KDM4C: variants seen among roughly 807,000 people sequenced by gnomAD.
KDM4C encodes the protein lysine demethylase 4C, also known as lysine-specific demethylase 4C.
In KDM4C, 81 loss-of-function variants were observed where a neutral mutation model predicts 129.3. The ratio of observed to expected loss-of-function variants is 0.63; its 90% CI spans 0.52 to 0.75. The LOEUF (loss-of-function observed/expected upper bound fraction) is 0.75. Ranked by LOEUF, KDM4C falls within the 30% of genes least tolerant of loss-of-function variation. KDM4C has a pLI of 0.00. For missense variants in KDM4C, 1,457 were observed against 1,304.0 expected (o/e 1.12, Z -1.81); for synonymous variants, 573 against 456.1 (o/e 1.26, Z -3.26).
At chr9:6,925,408 C>G in intron 8 of KDM4C, 1 of 977,912 alleles carries the variant, frequency 1.0e-6, no homozygotes, top group Non-Finnish European at 1.2e-6. Flanking sequence ...CTTTCCTTCC[C>G]TTTCCCTTTC....
At chr9:6,768,993 G>A (rs553232622) in intron 1 of KDM4C, among the ~76,000 whole-genome samples, 4 of 151,970 alleles carry the variant, frequency 2.6e-5, no homozygotes, top group African/African-American at 9.6e-5. Context: ...GGCTGGTCTC[G>A]AACTCCTGAC....
chr9:6,927,251 T>G (rs1274817250), intron 8 of KDM4C, among the ~76,000 whole-genome samples: 2 of 152,102 alleles, frequency 1.3e-5, no homozygotes, highest in Non-Finnish European at 1.5e-5. Flanking sequence ...TGCCTCAGCC[T>G]CCTGAGTAGT....
intron 1 of KDM4C, among the ~76,000 whole-genome samples, chr9:6,725,976 G>T (rs1430477461): frequency 1.3e-5 from 2 of 150,472 alleles, no homozygotes; most frequent in African/African-American, 4.9e-5. Context: ...GCCCAGGCTG[G>T]AGTGCAGTGG....
intron 8 of KDM4C, among the ~76,000 whole-genome samples, chr9:6,906,623 G>A (rs1402430455): frequency 6.6e-6 from 1 of 152,160 alleles, no homozygotes; most frequent in Non-Finnish European, 1.5e-5. Flanking sequence ...TACATTTTTT[G>A]TAGAGATGAA....
intron 4 of KDM4C, among the ~76,000 whole-genome samples, chr9:6,826,581 T>C (rs1014836062): frequency 1.3e-5 from 2 of 152,098 alleles, no homozygotes; most frequent in Non-Finnish European, 2.9e-5. Flanking sequence ...ATTTATCTTA[T>C]TTGGCCGGGC....
At chr9:6,927,105 A>G (rs899326066) in intron 8 of KDM4C, among the ~76,000 whole-genome samples, 14 of 148,222 alleles carry the variant, frequency 9.4e-5, no homozygotes, top group African/African-American at 2.0e-4. Context: ...CTATCTATCT[A>G]TCTATCTATC....
chr9:6,960,514 C>T (rs1162868028), intron 8 of KDM4C, among the ~76,000 whole-genome samples: 1 of 152,006 alleles, frequency 6.6e-6, no homozygotes, highest in Non-Finnish European at 1.5e-5. Context: ...CTACCTCGGC[C>T]TTCCAAAATG....
chr9:6,952,582 A>G (rs1828363589), intron 8 of KDM4C, among the ~76,000 whole-genome samples: 1 of 152,018 alleles, frequency 6.6e-6, no homozygotes, highest in South Asian at 2.1e-4. Context: ...CTGGGATTAC[A>G]GGCACCCACA....
chr9:6,776,815 G>A lies in KDM4C; in HGVS notation c.-17-16157G>A, dbSNP rs78431169. Among the ~76,000 whole-genome samples the A allele has an allele frequency of 6.3e-3, 951 of 151,344 alleles. 9 individuals carry two copies. The highest frequency in any genetic ancestry group is 0.022 in the African/African-American group (897 of 41,198). ...AGACAGGGTTTCACCATCTTGGCCA[G>A]TGGGTCTCAAACTCCTGACCTCATG... is the stretch of plus-strand genomic sequence containing the variant. On this transcript the variant is annotated intron_variant, in intron 1 of 21. Transcript: ENST00000381309.
At chr9:7,150,146 T>C (rs150463596) in intron 19 of KDM4C, among the ~76,000 whole-genome samples, 1 of 152,310 alleles carries the variant, frequency 6.6e-6, no homozygotes, top group African/African-American at 2.4e-5. Flanking sequence ...GAAATCAGGT[T>C]GACAATGCCG....
At chr9:6,907,660 G>A (rs1176675333) in intron 8 of KDM4C, among the ~76,000 whole-genome samples, 1 of 152,112 alleles carries the variant, frequency 6.6e-6, no homozygotes, top group East Asian at 1.9e-4. Context: ...CTAATTAAGG[G>A]ACATTTCACG....
At chr9:6,807,812 C>T (rs937170502) in intron 3 of KDM4C, among the ~76,000 whole-genome samples, 96 of 147,700 alleles carry the variant, frequency 6.5e-4, no homozygotes, top group Non-Finnish European at 6.6e-4. Context: ...CAGCCCCCCG[C>T]CCGGCCAGCC....
intron 3 of KDM4C, among the ~76,000 whole-genome samples, chr9:6,809,609 T>C (rs893843055): frequency 6.6e-6 from 1 of 152,196 alleles, no homozygotes; most frequent in African/African-American, 2.4e-5. Context: ...TCATAAGGAA[T>C]GGGTAATTTC....
At chr9:7,174,522 C>A (rs747817309) in intron 21 of KDM4C, 31 bp from the exon 22 acceptor site, 26 of 1,607,798 alleles carry the variant, frequency 1.6e-5, no homozygotes, top group Non-Finnish European at 2.0e-5. Context: ...AATGCCGTGC[C>A]CTTTTGCAAT....
intron 1 of KDM4C, among the ~76,000 whole-genome samples, chr9:6,789,761 C>T (rs774430599): frequency 4.6e-5 from 7 of 152,074 alleles, no homozygotes; most frequent in Non-Finnish European, 1.0e-4. Flanking sequence ...CCTGTCTACA[C>T]GTGAACAGAG....
At chr9:7,072,849 T>C (rs1833392411) in intron 17 of KDM4C, among the ~76,000 whole-genome samples, 1 of 152,240 alleles carries the variant, frequency 6.6e-6, no homozygotes, top group African/African-American at 2.4e-5. Context: ...TTGTACATAC[T>C]TATGGGGTAC....
chr9:7,101,615 T>G (rs969108518), intron 17 of KDM4C, among the ~76,000 whole-genome samples: 40 of 152,232 alleles, frequency 2.6e-4, no homozygotes, highest in African/African-American at 9.4e-4. Flanking sequence ...ATAGGGCAAG[T>G]CCCTCCTTAG....
At chr9:6,788,677 C>A in intron 1 of KDM4C, among the ~76,000 whole-genome samples, 1 of 152,138 alleles carries the variant, frequency 6.6e-6, no homozygotes, top group East Asian at 1.9e-4. Context: ...AGACTGTATG[C>A]TAGGGCTTAA....
At chr9:7,050,442 C>CAAAAGAAAA (rs749174137) in intron 17 of KDM4C, among the ~76,000 whole-genome samples, 64 of 78,266 alleles carry the variant, frequency 8.2e-4, no homozygotes, top group East Asian at 3.2e-3. Flanking sequence ...CCCAGATTAC[C>CAAAAGAAAA]AAAAAAAAAA....
Sources: allele counts gnomAD v4.1 joint callset (sites outside exome capture counted in the v4.1 genomes callset), GRCh38; gene constraint gnomAD v4.1.1; transcripts MANE v1.5; gene names NCBI Gene and HGNC (gene_info 2026-07-23, HGNC 2026-07-21).